Variants in RORB observed in about 807,000 individuals in gnomAD.
RORB encodes the protein RAR related orphan receptor B, also known as nuclear receptor ROR-beta.
Under a neutral mutation model 59.1 loss-of-function variants are expected in RORB, and 6 were observed. That is an observed-to-expected ratio of 0.10 (90% CI 0.06 to 0.20). RORB has a LOEUF of 0.20. RORB is among the 10% of genes least tolerant of loss of function. The pLI is 1.00. For missense variants in RORB, 320 were observed against 560.5 expected, an observed-to-expected ratio of 0.57 and a Z score of 4.33; for synonymous variants, 215 against 204.5, an observed-to-expected ratio of 1.05 and a Z score of -0.44.
intron 1 of RORB, among the ~76,000 whole-genome samples, chr9:74,521,242 A>C (rs1826081877): frequency 6.6e-6 from 1 of 151,906 alleles, no homozygotes; most frequent in Admixed American, 6.6e-5. Context: ...TGTAACAACA[A>C]CAGTATCATC....
chr9:74,676,114 C>T (rs1316240662), intron 9 of RORB, among the ~76,000 whole-genome samples: 3 of 152,212 alleles, frequency 2.0e-5, no homozygotes, highest in African/African-American at 7.2e-5. Context: ...GTCTTGCTCA[C>T]ATCTTGTCCT....
intron 1 of RORB, among the ~76,000 whole-genome samples, chr9:74,589,707 G>T (rs1034939647): frequency 1.3e-5 from 2 of 152,096 alleles, no homozygotes; most frequent in African/African-American, 4.8e-5. Context: ...GTCACTGGGG[G>T]TGCCCTCGCA....
At chr9:74,515,339 T>C (rs1179269100) in intron 1 of RORB, among the ~76,000 whole-genome samples, 1 of 151,710 alleles carries the variant, frequency 6.6e-6, no homozygotes, top group Non-Finnish European at 1.5e-5. Context: ...ATCTAGTAAA[T>C]GGCAAAACTG....
intron 8 of RORB, among the ~76,000 whole-genome samples, chr9:74,669,601 G>A (rs1158614766): frequency 6.6e-6 from 1 of 151,706 alleles, no homozygotes; most frequent in Non-Finnish European, 1.5e-5. Context: ...TGAGAATTCA[G>A]TTACTTCCTC....
At chr9:74,659,568 G>T (rs903161749) in intron 4 of RORB, among the ~76,000 whole-genome samples, 1 of 152,056 alleles carries the variant, frequency 6.6e-6, no homozygotes. Context: ...GTGCATTGGT[G>T]TGACCTCCAC....
At chr9:74,609,082 T>C (rs1001122424) in intron 1 of RORB, among the ~76,000 whole-genome samples, 29 of 152,246 alleles carry the variant, frequency 1.9e-4, no homozygotes, top group South Asian at 2.1e-4. Flanking sequence ...TGTTTCCTTC[T>C]ATGCTTTCAT....
intron 1 of RORB, among the ~76,000 whole-genome samples, chr9:74,558,586 A>C (rs1587358851): frequency 6.6e-6 from 1 of 152,338 alleles, no homozygotes; most frequent in East Asian, 1.9e-4. Flanking sequence ...TGAGTGGATC[A>C]CAGTACCTGA....
chr9:74,519,521 A>G (rs1028954028), intron 1 of RORB, among the ~76,000 whole-genome samples: 2 of 152,026 alleles, frequency 1.3e-5, no homozygotes, highest in Non-Finnish European at 2.9e-5. Context: ...AGAGAACAGA[A>G]CAAAGATATG....
At chr9:74,580,386 A>T (rs1431859516) in intron 1 of RORB, among the ~76,000 whole-genome samples, 2 of 152,178 alleles carry the variant, frequency 1.3e-5, no homozygotes, top group Non-Finnish European at 2.9e-5. Context: ...ATTTGCATGG[A>T]TACTCAAGAA....
intron 1 of RORB, among the ~76,000 whole-genome samples, chr9:74,626,382 T>C (rs1239665254): frequency 3.3e-5 from 5 of 152,228 alleles, no homozygotes; most frequent in Non-Finnish European, 7.3e-5. Flanking sequence ...ATAGCATTGA[T>C]TTTATAAACA....
Position 74,642,575 on chromosome 9 carries a change from C to G in RORB, c.397C>G (p.Leu133Val). ...CAGCATTAGCAACGGCCTGAGCAAC[C>G]TGAACAACGAGACCAGCGGCACTTA... Reference protein sequence around the residue: ...SSSISNGLSNLNNETSGTYAN... With the variant: ...SSSISNGLSNVNNETSGTYAN... Residue 133 changes from leucine to valine, a missense_variant, in exon 4 of 10, where the codon CTG becomes GTG. Around this residue, in one of 4 missense-constraint regions of RORB, gnomAD observed 134 missense variants for 156.2 expected, o/e 0.86. Transcript: ENST00000376896. 2 of 1,614,194 alleles carry G rather than the reference C, an allele frequency of 1.2e-6. No individual in the cohort carries two copies. The highest frequency in any genetic ancestry group is 1.7e-6 in the Non-Finnish European group (2 of 1,180,042).
intron 2 of RORB, among the ~76,000 whole-genome samples, chr9:74,632,702 A>G (rs1408566940): frequency 6.6e-6 from 1 of 152,032 alleles, no homozygotes; most frequent in Non-Finnish European, 1.5e-5. Context: ...TGTCCTGTCA[A>G]CTCTTTTGCT....
At chr9:74,650,472 A>G (rs557416421) in intron 4 of RORB, among the ~76,000 whole-genome samples, 3 of 152,306 alleles carry the variant, frequency 2.0e-5, no homozygotes, top group South Asian at 2.1e-4. Context: ...TATGCAACCA[A>G]TTTAACAGGT....
rs568158916 is a variant in RORB at position 74,570,823 on chromosome 9, A to G, written c.8-59459A>G. Among the ~76,000 whole-genome samples the G allele has an allele frequency of 3.3e-5, 5 of 152,238 alleles. No individual in the cohort carries two copies. In the East Asian group the frequency reaches 9.6e-4, roughly 29 times the overall value. On this transcript the variant is annotated intron_variant, in intron 1 of 9. Coordinates refer to ENST00000376896, the MANE Select transcript of RORB (RefSeq NM_006914.4). ...AATTCTTACTATACCTCCGAGTTATATCATCAGAACATATGTGAAGGTGAC... is the reference window on the plus strand; with the variant it reads ...AATTCTTACTATACCTCCGAGTTATGTCATCAGAACATATGTGAAGGTGAC...
chr9:74,548,741 A>ACATGTT (rs1826542589), intron 1 of RORB, among the ~76,000 whole-genome samples: 1 of 152,204 alleles, frequency 6.6e-6, no homozygotes, highest in Admixed American at 6.5e-5. Flanking sequence ...GAAAAAATAA[A>ACATGTT]CATGTTAAAA....
intron 4 of RORB, among the ~76,000 whole-genome samples, chr9:74,654,391 T>G (rs1314839345): frequency 3.4e-5 from 5 of 149,234 alleles, no homozygotes; most frequent in Non-Finnish European, 5.9e-5. Context: ...CTCAGCTAAT[T>G]TCTAGGATTA....
intron 1 of RORB, among the ~76,000 whole-genome samples, chr9:74,598,050 G>A (rs1435450563): frequency 6.6e-6 from 1 of 151,994 alleles, no homozygotes; most frequent in African/African-American, 2.4e-5. Context: ...ATTATTTTCA[G>A]CTGTTTTTGC....
chr9:74,588,102 C>A (rs994264014), intron 1 of RORB, among the ~76,000 whole-genome samples: 4 of 151,980 alleles, frequency 2.6e-5, no homozygotes, highest in Admixed American at 6.6e-5. Context: ...ATTTAGAAGA[C>A]AATTTTCAAA....
intron 1 of RORB, among the ~76,000 whole-genome samples, chr9:74,614,494 G>T (rs985538029): frequency 6.6e-6 from 1 of 151,896 alleles, no homozygotes; most frequent in Non-Finnish European, 1.5e-5. Context: ...TGAGATGATG[G>T]ATATGTTAAT....
Sources: gnomAD v4.1 joint callset for allele counts (sites outside exome capture counted in the v4.1 genomes callset) on GRCh38, gnomAD v4.1.1 for gene constraint, gnomAD v4.1.1 regional missense constraint, MANE v1.5 for transcripts, NCBI Gene and HGNC (gene_info 2026-07-23, HGNC 2026-07-21) for gene names.